The following GAB2 variants were observed in gnomAD, a reference collection of about 807,000 sequenced individuals.
GAB2 encodes GRB2-associated-binding protein 2.
Under a neutral mutation model 65.5 loss-of-function variants are expected in GAB2, and 26 were observed. That is an observed-to-expected ratio of 0.40 (90% CI 0.29 to 0.55). The LOEUF (loss-of-function observed/expected upper bound fraction) is 0.55. Ranked by LOEUF, GAB2 falls within the 20% of genes least tolerant of loss-of-function variation. GAB2 has a pLI of 0.53. For missense variants in GAB2, 884 were observed against 875.8 expected, an observed-to-expected ratio of 1.01 and a Z score of -0.12; for synonymous variants, 321 against 329.6, an observed-to-expected ratio of 0.97 and a Z score of 0.28.
At chr11:78,347,365 T>C (rs1004494015) in intron 1 of GAB2, among the ~76,000 whole-genome samples, 1 of 152,172 alleles carries the variant, frequency 6.6e-6, no homozygotes. Context: ...GGCGTTTTTA[T>C]ATGGGTCCAA....
intron 2 of GAB2, among the ~76,000 whole-genome samples, chr11:78,253,347 C>T (rs1565127447): frequency 6.6e-6 from 1 of 152,050 alleles, no homozygotes; most frequent in African/African-American, 2.4e-5. Context: ...GCTGGAGTGC[C>T]ATGGTGCAAT....
At chr11:78,269,031 T>C (rs1865942145) in intron 2 of GAB2, among the ~76,000 whole-genome samples, 1 of 143,886 alleles carries the variant, frequency 6.9e-6, no homozygotes, top group Admixed American at 7.1e-5. Context: ...ATAACCTTTT[T>C]TTCTTTCTTT....
At chr11:78,322,318 A>G (rs1855741403) in intron 1 of GAB2, among the ~76,000 whole-genome samples, 1 of 148,170 alleles carries the variant, frequency 6.7e-6, no homozygotes, top group African/African-American at 2.5e-5. Flanking sequence ...AAAAAAAAAA[A>G]AAAAAAAAAA....
At chr11:78,276,264 T>C (rs1277902658) in intron 2 of GAB2, among the ~76,000 whole-genome samples, 2 of 151,946 alleles carry the variant, frequency 1.3e-5, no homozygotes, top group Non-Finnish European at 2.9e-5. Flanking sequence ...TATGCCACTA[T>C]ATCCCAGCCT....
Position 78,250,143 on chromosome 11 carries a change from TG to T in GAB2, c.620+13del, listed in dbSNP as rs1865408155. 6.2e-7 allele frequency: 1 copy of T among 1,611,834 alleles called. No individual in the cohort carries two copies. Among genetic ancestry groups the T allele is most frequent in the Admixed American group, 1.7e-5 (1 of 59,800 alleles). ...CGGTCACTAACCCACCTAATGGCTG[TG>T]GCAGCCTCCTACCTTGCATTTTCTG... On this transcript the variant is annotated intron_variant, in intron 3 of 9. Transcript: ENST00000361507.
chr11:78,285,871 C>T (rs1247992167), intron 1 of GAB2, among the ~76,000 whole-genome samples: 1 of 152,234 alleles, frequency 6.6e-6, no homozygotes, highest in Non-Finnish European at 1.5e-5. Flanking sequence ...AAGTGGACCT[C>T]TATTTCCTCG....
chr11:78,414,618 G>T (rs1373855298), intron 1 of GAB2, among the ~76,000 whole-genome samples: 2 of 152,164 alleles, frequency 1.3e-5, no homozygotes, highest in South Asian at 2.1e-4. Context: ...TGGGAGGGTT[G>T]TTACTTCTGC....
chr11:78,236,001 T>C (rs1864971062), intron 3 of GAB2, among the ~76,000 whole-genome samples: 1 of 152,234 alleles, frequency 6.6e-6, no homozygotes, highest in Admixed American at 6.5e-5. Flanking sequence ...GGGATTTTTA[T>C]TTGGATTGTG....
At chr11:78,349,683 T>A (rs116430010) in intron 1 of GAB2, among the ~76,000 whole-genome samples, 1,629 of 152,280 alleles carry the variant, frequency 0.011, 34 homozygotes, top group African/African-American at 0.036. Context: ...TTTTTTCTTT[T>A]AAAAAATTTT....
chr11:78,379,603 T>C (rs550573066), intron 1 of GAB2, among the ~76,000 whole-genome samples: 1 of 152,362 alleles, frequency 6.6e-6, no homozygotes, highest in African/African-American at 2.4e-5. Flanking sequence ...TATATTTCAT[T>C]AATTCAAATT....
chr11:78,240,160 G>A (rs1183652308), intron 3 of GAB2, among the ~76,000 whole-genome samples: 1 of 152,146 alleles, frequency 6.6e-6, no homozygotes, highest in Admixed American at 6.5e-5. Flanking sequence ...CTAAGCTGAA[G>A]CCAGTGGCTG....
intron 2 of GAB2, among the ~76,000 whole-genome samples, chr11:78,272,475 C>G (rs985574311): frequency 6.6e-6 from 1 of 152,128 alleles, no homozygotes; most frequent in Non-Finnish European, 1.5e-5. Flanking sequence ...TTTACCCCTG[C>G]CCTAGAGATT....
intron 1 of GAB2, among the ~76,000 whole-genome samples, chr11:78,311,646 C>T (rs945462167): frequency 6.6e-6 from 1 of 152,162 alleles, no homozygotes; most frequent in African/African-American, 2.4e-5. Flanking sequence ...GGCTGTGGGC[C>T]AGGCAGTGGT....
chr11:78,370,480 T>C (rs748411171), intron 1 of GAB2, among the ~76,000 whole-genome samples: 16 of 152,114 alleles, frequency 1.1e-4, no homozygotes, highest in Admixed American at 2.0e-4. Context: ...TGACTACTAT[T>C]GTGCCCAGGT....
chr11:78,235,467 A>G (rs917427401), intron 3 of GAB2, among the ~76,000 whole-genome samples: 1 of 152,014 alleles, frequency 6.6e-6, no homozygotes, highest in African/African-American at 2.4e-5. Context: ...TTTCTTTTCT[A>G]TCACATCGTC....
At chr11:78,267,480 TTAA>T (rs1865900316) in intron 2 of GAB2, among the ~76,000 whole-genome samples, 1 of 152,164 alleles carries the variant, frequency 6.6e-6, no homozygotes, top group Admixed American at 6.5e-5. Context: ...CGGCCAATTT[TTAA>T]TAATGTCAAA....
Position 78,260,935 on chromosome 11 carries a change from A to G in GAB2, c.377-10535T>C, listed in dbSNP as rs79275675. On this transcript the variant is annotated intron_variant, in intron 2 of 9. Coordinates refer to ENST00000361507, the MANE Select transcript of GAB2 (RefSeq NM_080491.3). ...GCACAATGTTCTATGCCTAGAAAAC[A>G]TTCCAATTAGAACAAGGAGGTCCCA... 5.2e-3 allele frequency among the ~76,000 whole-genome samples: 793 copies of G among 152,248 alleles called. 4 individuals carry two copies. Among genetic ancestry groups the G allele is most frequent in the African/African-American group, 0.018 (743 of 41,532 alleles).
At chr11:78,417,058 G>A (rs1279305960) in intron 1 of GAB2, among the ~76,000 whole-genome samples, 1 of 152,198 alleles carries the variant, frequency 6.6e-6, no homozygotes, top group Admixed American at 6.5e-5. Context: ...CGGAATAAAG[G>A]GAAAGAAGGG....
Position 78,226,681 on chromosome 11 carries a change from T to C in GAB2, c.991A>G (p.Thr331Ala). ...LSAYQIPRTF[T>A]LDKNHNAMTV... is the part of the protein sequence containing the mutation. ...ATGGCATTGTGGTTTTTGTCCAGAG[T>C]GAATGTCCTAGGGATCTGGTAGGCT... Residue 331 changes from threonine to alanine, a missense_variant, in exon 4 of 10, where the codon ACT becomes GCT. Thr to Ala is a moderately conservative substitution (Grantham distance 58, BLOSUM62 0). Coordinates refer to ENST00000361507, the MANE Select transcript of GAB2 (RefSeq NM_080491.3). The C allele has an allele frequency of 6.2e-7, 1 of 1,613,602 alleles. No individual in the cohort carries two copies. Among genetic ancestry groups the C allele is most frequent in the Non-Finnish European group, 8.5e-7 (1 of 1,179,856 alleles).
Sources: gnomAD v4.1 joint callset for allele counts (sites outside exome capture counted in the v4.1 genomes callset) on GRCh38, gnomAD v4.1.1 for gene constraint, MANE v1.5 for transcripts, NCBI Gene and HGNC (gene_info 2026-07-23, HGNC 2026-07-21) for gene names.